Variants in ICA1L observed in about 807,000 individuals in gnomAD.
ICA1L encodes the protein islet cell autoantigen 1-like protein.
A neutral mutation model predicts 61.3 loss-of-function variants in ICA1L; 50 were observed. That is an observed-to-expected ratio of 0.82 (90% CI 0.65 to 1.03). The LOEUF is 1.03. ICA1L is among the 50% of genes least tolerant of loss of function. ICA1L has a pLI of 0.00. For missense variants in ICA1L, 508 were observed against 556.7 expected (o/e 0.91, Z 0.88); for synonymous variants, 161 against 191.3 (o/e 0.84, Z 1.31).
In ICA1L at chr2:202,775,267, G is replaced by A. The variant is rs530553301; in HGVS notation, c.*4266C>T. The A allele has an allele frequency of 7.4e-4, 113 of 152,262 alleles. No individual in the cohort carries two copies. The highest frequency in any genetic ancestry group is 3.4e-3 in the Middle Eastern group (1 of 294). The allele number at this position is 152,262 out of a possible 1,614,324, so 9.4% of individuals were successfully genotyped here. A position where few individuals can be genotyped will look rare whatever the true frequency, so the allele number is the denominator to read the frequency against. On this transcript the variant is annotated 3_prime_UTR_variant, in exon 13 of 13. Coordinates refer to ENST00000358299, the MANE Select transcript of ICA1L (RefSeq NM_001288622.3). ...TGGGACTGCTTCATTGCTCAAGGTA[G>A]AGAAATGCAGGGCCCTGCCAACACT...
intron 1 of ICA1L, among the ~76,000 whole-genome samples, chr2:202,835,688 A>ACACCT: frequency 6.8e-6 from 1 of 147,096 alleles, no homozygotes; most frequent in South Asian, 2.2e-4. Flanking sequence ...CTAGGACTAC[A>ACACCT]GTTTGTGCCA....
chr2:202,852,050 C>A (rs1290116250), intron 1 of ICA1L, among the ~76,000 whole-genome samples: 1 of 152,100 alleles, frequency 6.6e-6, no homozygotes, highest in Non-Finnish European at 1.5e-5. Context: ...GTTGCCATTG[C>A]TTTTGGTGTT....
At chr2:202,863,243 G>A (rs1287408477) in intron 1 of ICA1L, among the ~76,000 whole-genome samples, 1 of 152,000 alleles carries the variant, frequency 6.6e-6, no homozygotes, top group Non-Finnish European at 1.5e-5. Context: ...AATGAGCCAA[G>A]AACATATCAT....
chr2:202,854,995 C>T (rs1373867550), intron 1 of ICA1L, among the ~76,000 whole-genome samples: 1 of 152,080 alleles, frequency 6.6e-6, no homozygotes, highest in African/African-American at 2.4e-5. Flanking sequence ...AAAAGAAACT[C>T]ACTCAAAACC....
intron 1 of ICA1L, among the ~76,000 whole-genome samples, chr2:202,836,367 G>A (rs1694149166): frequency 6.6e-6 from 1 of 152,176 alleles, no homozygotes; most frequent in Non-Finnish European, 1.5e-5. Flanking sequence ...AATCCCACTT[G>A]ATCATGGTGA....
At chr2:202,861,273 C>T (rs1004326158) in intron 1 of ICA1L, among the ~76,000 whole-genome samples, 3 of 151,324 alleles carry the variant, frequency 2.0e-5, no homozygotes, top group Non-Finnish European at 4.4e-5. Context: ...GGAGTGGTGG[C>T]TCGCACCTGT....
intron 8 of ICA1L, 128 bp from the exon 9 acceptor site, chr2:202,811,917 T>G (rs1693390741): frequency 1.4e-6 from 1 of 703,524 alleles, no homozygotes; most frequent in African/African-American, 1.8e-5. Flanking sequence ...GTCCACTAGA[T>G]CCCCTAAAAT....
At chr2:202,830,225 T>G (rs944174150) in intron 1 of ICA1L, among the ~76,000 whole-genome samples, 7 of 152,090 alleles carry the variant, frequency 4.6e-5, no homozygotes, top group Admixed American at 2.6e-4. Flanking sequence ...CTGGCCAACA[T>G]AGTGAAACCC....
intron 6 of ICA1L, among the ~76,000 whole-genome samples, chr2:202,816,695 G>A (rs1281361812): frequency 6.6e-6 from 1 of 152,158 alleles, no homozygotes; most frequent in Non-Finnish European, 1.5e-5. Flanking sequence ...ACTGAAATAG[G>A]CAGACTCCCT....
intron 1 of ICA1L, among the ~76,000 whole-genome samples, chr2:202,865,420 G>A (rs1360474412): frequency 6.6e-6 from 1 of 150,922 alleles, no homozygotes; most frequent in Non-Finnish European, 1.5e-5. Flanking sequence ...AGTGAGCCGA[G>A]AGTGCACCAC....
chr2:202,797,120 TA>T lies in ICA1L; in HGVS notation c.911-157del, dbSNP rs1365812510. ...ATAAAAATTTAAATAATCTTATATA[TA>T]AAAATCACATTTGTGTGTGTGTGTG... is the stretch of plus-strand genomic sequence containing the variant. On this transcript the variant is annotated intron_variant, in intron 9 of 12. Transcript: ENST00000358299. 9.8e-5 allele frequency among the ~76,000 whole-genome samples: 11 copies of T among 111,730 alleles called. No individual in the cohort carries two copies. The South Asian group carries it at 1.5e-3, about 15-fold the overall frequency. The allele number at this position is 111,730 out of a possible 152,430, so 73.3% of individuals were successfully genotyped here.
intron 11 of ICA1L, among the ~76,000 whole-genome samples, chr2:202,787,187 G>C (rs1692613844): frequency 6.6e-6 from 1 of 152,214 alleles, no homozygotes; most frequent in South Asian, 2.1e-4. Context: ...TGATGACCTT[G>C]AGCAAGTTAC....
chr2:202,811,891 GA>G, intron 8 of ICA1L, 102 bp from the exon 9 acceptor site: 6 of 815,442 alleles, frequency 7.4e-6, no homozygotes, highest in South Asian at 6.0e-5. Flanking sequence ...TTCTACTCAG[GA>G]AACATAAAAT....
At chr2:202,812,786 T>G (rs926122541) in intron 8 of ICA1L, among the ~76,000 whole-genome samples, 1 of 152,142 alleles carries the variant, frequency 6.6e-6, no homozygotes, top group African/African-American at 2.4e-5. Context: ...TAGTATTATG[T>G]TTTTTTAAAC....
chr2:202,817,559 T>C lies in ICA1L; in HGVS notation c.559-16A>G. 1.3e-6 allele frequency: 2 copies of C among 1,528,024 alleles called. No individual in the cohort carries two copies. The highest frequency in any genetic ancestry group is 2.3e-5 in the South Asian group (2 of 87,038). 94.7% of individuals were successfully genotyped at this position (1,528,024 alleles called of 1,614,324 possible). ...GCATCTGTACCTGCAATAAAAATGC[T>C]AATTTTTATTACAGATATATACTAT... On this transcript the variant is annotated splice_polypyrimidine_tract_variant and intron_variant, in intron 5 of 12. Transcript: ENST00000358299.
chr2:202,866,706 G>A (rs546011867), intron 1 of ICA1L, among the ~76,000 whole-genome samples: 3 of 152,292 alleles, frequency 2.0e-5, no homozygotes, highest in Admixed American at 6.5e-5. Flanking sequence ...CCAGCACTTC[G>A]GGAAGCTGAG....
chr2:202,833,350 G>A (rs182750869), intron 1 of ICA1L, among the ~76,000 whole-genome samples: 13 of 152,186 alleles, frequency 8.5e-5, no homozygotes, highest in Admixed American at 8.5e-4. Flanking sequence ...GGGAGGCTGT[G>A]GGGGAGGATC....
intron 12 of ICA1L, among the ~76,000 whole-genome samples, chr2:202,782,621 C>A (rs1195442365): frequency 3.3e-5 from 5 of 151,968 alleles, no homozygotes; most frequent in Middle Eastern, 3.2e-3. Context: ...GTTGGCCAGG[C>A]TGGTCTTGAA....
Position 202,831,013 on chromosome 2 carries a change from T to C in ICA1L, c.-7-1997A>G, listed in dbSNP as rs555633810. Among the ~76,000 whole-genome samples the C allele has an allele frequency of 1.4e-4, 22 of 152,282 alleles. 1 individual carries two copies. The highest frequency in any genetic ancestry group is 5.1e-4 in the African/African-American group (21 of 41,556). Reference sequence around the variant, plus strand: ...AAAAATAAAGATATGAGTTAAGATATACCAGGTAAATAGAAGCAAAATGAA... The same window carrying C: ...AAAAATAAAGATATGAGTTAAGATACACCAGGTAAATAGAAGCAAAATGAA... On this transcript the variant is annotated intron_variant, in intron 1 of 12. Transcript: ENST00000358299.
Sources: gnomAD v4.1 joint callset for allele counts (sites outside exome capture counted in the v4.1 genomes callset) on GRCh38, gnomAD v4.1.1 for gene constraint, MANE v1.5 for transcripts, NCBI Gene and HGNC (gene_info 2026-07-23, HGNC 2026-07-21) for gene names.